PTPRD: variants seen among roughly 807,000 people sequenced by gnomAD.
PTPRD encodes the protein protein tyrosine phosphatase receptor type D, also known as receptor-type tyrosine-protein phosphatase delta.
A neutral mutation model predicts 214.5 loss-of-function variants in PTPRD; 34 were observed. The observed-to-expected ratio is 0.16, with a 90% CI of 0.12 to 0.21. PTPRD has a LOEUF of 0.21. Among genes scored for constraint, PTPRD ranks in the 10% least tolerant of loss-of-function variants. The pLI is 1.00. For missense variants in PTPRD, 2,545 were observed against 2,398.7 expected (o/e 1.06, Z -1.27); for synonymous variants, 1,128 against 845.7 (o/e 1.33, Z -5.79).
chr9:8,430,532 C>A (rs974661961), intron 35 of PTPRD, among the ~76,000 whole-genome samples: 5 of 152,002 alleles, frequency 3.3e-5, no homozygotes, highest in African/African-American at 9.7e-5. Flanking sequence ...CCGCAGCGTC[C>A]TCCCAAAGTG....
At chr9:9,949,779 G>C (rs546458586) in intron 4 of PTPRD, among the ~76,000 whole-genome samples, 7 of 152,242 alleles carry the variant, frequency 4.6e-5, no homozygotes, top group African/African-American at 1.7e-4. Context: ...GTTATCTTCA[G>C]ATCAGATGTG....
intron 9 of PTPRD, among the ~76,000 whole-genome samples, chr9:9,394,205 T>C (rs1256746316): frequency 1.3e-5 from 2 of 152,130 alleles, no homozygotes; most frequent in Non-Finnish European, 2.9e-5. Context: ...AGAAAGCAAA[T>C]GGAATGGCTA....
At chr9:8,716,749 C>A (rs1405983341) in intron 12 of PTPRD, among the ~76,000 whole-genome samples, 1 of 152,126 alleles carries the variant, frequency 6.6e-6, no homozygotes. Context: ...TCATGAGATA[C>A]AACACAAACT....
intron 3 of PTPRD, among the ~76,000 whole-genome samples, chr9:10,165,170 T>C (rs1221239730): frequency 6.6e-6 from 1 of 151,760 alleles, no homozygotes; most frequent in East Asian, 1.9e-4. Context: ...GCTTTATTTA[T>C]ACAGCTCAAA....
chr9:9,703,029 C>T (rs111543055), intron 7 of PTPRD, among the ~76,000 whole-genome samples: 1,788 of 152,270 alleles, frequency 0.012, 29 homozygotes, highest in African/African-American at 0.041. Flanking sequence ...CAAATCTCAT[C>T]TCGAATTGTA....
Position 10,076,618 on chromosome 9 carries a change from C to A in PTPRD, c.-544-42828G>T, listed in dbSNP as rs192688801. Among the ~76,000 whole-genome samples, 146 of 152,210 alleles carry A rather than the reference C, an allele frequency of 9.6e-4. 1 individual carries two copies. The highest frequency in any genetic ancestry group is 3.3e-3 in the African/African-American group (137 of 41,556). On this transcript the variant is annotated intron_variant, in intron 3 of 45. Transcript: ENST00000381196. ...TGAGCAGGTCTGTCAGCTCCTCTCACGGGCTGTCATATATGAGCCTTGCCT... is the reference window on the plus strand; with the variant it reads ...TGAGCAGGTCTGTCAGCTCCTCTCAAGGGCTGTCATATATGAGCCTTGCCT...
intron 3 of PTPRD, among the ~76,000 whole-genome samples, chr9:10,247,634 T>A (rs2092306267): frequency 6.6e-6 from 1 of 152,156 alleles, no homozygotes; most frequent in Admixed American, 6.5e-5. Flanking sequence ...TTTTTGCACT[T>A]AATGTTGGTT....
chr9:10,471,225 C>A (rs757106871), intron 2 of PTPRD, among the ~76,000 whole-genome samples: 1 of 151,970 alleles, frequency 6.6e-6, no homozygotes, highest in South Asian at 2.1e-4. Flanking sequence ...CAGCAAACCA[C>A]CATGGCATGT....
intron 3 of PTPRD, among the ~76,000 whole-genome samples, chr9:10,208,584 A>C (rs1441846958): frequency 6.6e-6 from 1 of 152,170 alleles, no homozygotes; most frequent in Non-Finnish European, 1.5e-5. Flanking sequence ...AACTAAATTC[A>C]CTGCAGTTTT....
intron 11 of PTPRD, among the ~76,000 whole-genome samples, chr9:8,782,478 A>G (rs77489996): frequency 0.015 from 2,268 of 152,150 alleles, 61 homozygotes; most frequent in African/African-American, 0.051. Flanking sequence ...TTATATCCTC[A>G]ATTTCTTTTC....
chr9:9,422,747 T>A (rs1384018196), intron 8 of PTPRD, among the ~76,000 whole-genome samples: 1 of 152,062 alleles, frequency 6.6e-6, no homozygotes, highest in Non-Finnish European at 1.5e-5. Flanking sequence ...GGGATTGAGA[T>A]CCTGACGAGA....
chr9:8,659,023 G>C (rs1376787256), intron 12 of PTPRD, among the ~76,000 whole-genome samples: 1 of 151,818 alleles, frequency 6.6e-6, no homozygotes, highest in Non-Finnish European at 1.5e-5. Context: ...TTCATCCTTA[G>C]GAAGCCTTGA....
At chr9:9,324,745 T>C (rs1363025760) in intron 9 of PTPRD, among the ~76,000 whole-genome samples, 1 of 152,102 alleles carries the variant, frequency 6.6e-6, no homozygotes, top group Non-Finnish European at 1.5e-5. Flanking sequence ...CTTTTGGTGT[T>C]TCAGTCATGA....
At chr9:8,547,641 T>TAAA (rs759867541) in intron 14 of PTPRD, among the ~76,000 whole-genome samples, 7 of 110,978 alleles carry the variant, frequency 6.3e-5, no homozygotes, top group African/African-American at 2.3e-4. Flanking sequence ...GAATCCTATT[T>TAAA]AAAAAAAAAA....
chr9:9,265,735 C>T (rs1204274071), intron 9 of PTPRD, among the ~76,000 whole-genome samples: 1 of 150,546 alleles, frequency 6.6e-6, no homozygotes, highest in Non-Finnish European at 1.5e-5. Context: ...GATGAAAAGA[C>T]TCAAAGCACA....
intron 6 of PTPRD, among the ~76,000 whole-genome samples, chr9:9,744,200 G>A (rs879540056): frequency 6.6e-6 from 1 of 151,944 alleles, no homozygotes; most frequent in Non-Finnish European, 1.5e-5. Context: ...CATAATCAAC[G>A]ATATATCGTC....
At chr9:8,796,184 C>T (rs1316199861) in intron 11 of PTPRD, among the ~76,000 whole-genome samples, 1 of 152,098 alleles carries the variant, frequency 6.6e-6, no homozygotes, top group Non-Finnish European at 1.5e-5. Context: ...TGTTTAAAAA[C>T]ATATAGATGA....
intron 8 of PTPRD, among the ~76,000 whole-genome samples, chr9:9,437,653 C>G (rs925147637): frequency 6.6e-6 from 1 of 152,106 alleles, no homozygotes; most frequent in East Asian, 1.9e-4. Context: ...TCACCAACTT[C>G]TGAATCACAT....
At chr9:10,424,315 C>T (rs1000453838) in intron 2 of PTPRD, among the ~76,000 whole-genome samples, 40 of 125,408 alleles carry the variant, frequency 3.2e-4, no homozygotes, top group South Asian at 1.4e-3. Context: ...GTTTCCTTTT[C>T]TCTCTCTCTC....
Sources: allele counts gnomAD v4.1 joint callset (sites outside exome capture counted in the v4.1 genomes callset), GRCh38; gene constraint gnomAD v4.1.1; transcripts MANE v1.5; gene names NCBI Gene and HGNC (gene_info 2026-07-23, HGNC 2026-07-21).